The following FARS2 variants were observed in gnomAD, a reference collection of about 807,000 sequenced individuals.
The protein encoded by FARS2 is phenylalanine--tRNA ligase, mitochondrial.
FARS2 carries 40 observed loss-of-function variants against 46.4 expected under a neutral mutation model. The observed-to-expected ratio is 0.86, with a 90% CI of 0.67 to 1.12. FARS2 has a LOEUF of 1.12. Ranked by LOEUF, FARS2 falls within the 50% of genes most tolerant of loss-of-function variation. The pLI is 0.00. For missense variants in FARS2, 513 were observed against 567.9 expected, an observed-to-expected ratio of 0.90 and a Z score of 0.98; for synonymous variants, 234 against 214.9, an observed-to-expected ratio of 1.09 and a Z score of -0.78.
At chr6:5,475,714 G>A (rs1766082793) in intron 4 of FARS2, among the ~76,000 whole-genome samples, 1 of 152,106 alleles carries the variant, frequency 6.6e-6, no homozygotes, top group Admixed American at 6.5e-5. Flanking sequence ...ACTGGTCTCT[G>A]TAGCTGAAAT....
At chr6:5,433,990 T>C (rs1009215073) in intron 4 of FARS2, among the ~76,000 whole-genome samples, 4 of 152,234 alleles carry the variant, frequency 2.6e-5, no homozygotes, top group Non-Finnish European at 2.9e-5. Flanking sequence ...ACGTTAGATA[T>C]TCTTGAATGG....
In FARS2 at chr6:5,432,692, G is replaced by A. The variant is rs552023728; in HGVS notation, c.904+1520G>A. 2.9e-4 allele frequency among the ~76,000 whole-genome samples: 44 copies of A among 151,376 alleles called. 1 individual carries two copies. Among genetic ancestry groups the A allele is most frequent in the Admixed American group, 2.7e-3 (40 of 15,094 alleles). On this transcript the variant is annotated intron_variant, in intron 4 of 6. Transcript: ENST00000274680. ...CTGCTCCCTTAGAAGGACATTTGCT[G>A]CTTGGCCTTGGAGGGCAGCTCTGAG...
intron 6 of FARS2, among the ~76,000 whole-genome samples, chr6:5,760,056 CAATT>C (rs1762403879): frequency 6.6e-6 from 1 of 152,162 alleles, no homozygotes; most frequent in Non-Finnish European, 1.5e-5. Flanking sequence ...AGAGATGGTG[CAATT>C]AATTAGACCC....
At chr6:5,743,365 T>C (rs756138009) in intron 6 of FARS2, among the ~76,000 whole-genome samples, 2 of 152,196 alleles carry the variant, frequency 1.3e-5, no homozygotes, top group Non-Finnish European at 2.9e-5. Context: ...TTGGGGGTGC[T>C]GGCCACAAGC....
intron 6 of FARS2, among the ~76,000 whole-genome samples, chr6:5,735,738 T>C (rs560375650): frequency 2.6e-5 from 4 of 152,322 alleles, no homozygotes; most frequent in African/African-American, 7.2e-5. Context: ...ATAGCGGTAA[T>C]GTTCTAACCC....
At chr6:5,557,575 C>T (rs1266955428) in intron 5 of FARS2, among the ~76,000 whole-genome samples, 1 of 152,112 alleles carries the variant, frequency 6.6e-6, no homozygotes, top group Non-Finnish European at 1.5e-5. Flanking sequence ...CATTATTTCA[C>T]AACGAACAAT....
Position 5,765,772 on chromosome 6 carries a change from A to T in FARS2, c.1218-5519A>T, listed in dbSNP as rs1393495745. Among the ~76,000 whole-genome samples the T allele has an allele frequency of 6.6e-6, 1 of 152,186 alleles. No individual in the cohort carries two copies. The highest frequency in any genetic ancestry group is 1.5e-5 in the Non-Finnish European group (1 of 68,026). On this transcript the variant is annotated intron_variant, in intron 6 of 6. Transcript: ENST00000274680. This position sits in a 1 kb window ranked among gnomAD's most constrained non-coding sequence, Gnocchi z 4.0. ...GGCTCCTGGGTTTCTGCAGGACCTC[A>T]GCAGGCTGCTAACTCCCGGATGTGA...
At position 5,764,479 on chromosome 6, in the gene FARS2, GCTT is replaced by G. The variant is rs1177083226; in HGVS notation, c.1218-6809_1218-6807del. ...TCTGACGTGGGCAGCTCCAGACTGA[GCTT>G]CTGCATCAGACAAGCAGGAGACAGA... On this transcript the variant is annotated intron_variant, in intron 6 of 6. Transcript: ENST00000274680. This position sits in a 1 kb window ranked among gnomAD's most constrained non-coding sequence, Gnocchi z 4.1. Among the ~76,000 whole-genome samples, 1 of 152,142 alleles carries G rather than the reference GCTT, an allele frequency of 6.6e-6. No homozygotes were observed. The highest frequency in any genetic ancestry group is 1.5e-5 in the Non-Finnish European group (1 of 68,034).
At chr6:5,305,606 A>G (rs754439887) in intron 1 of FARS2, among the ~76,000 whole-genome samples, 1 of 152,254 alleles carries the variant, frequency 6.6e-6, no homozygotes, top group Non-Finnish European at 1.5e-5. Context: ...GAATCAATTC[A>G]GACAAAGAAG....
rs1772733550 is a variant in FARS2 at position 5,572,830 on chromosome 6, C to T, written c.1065+27490C>T. On this transcript the variant is annotated intron_variant, in intron 5 of 6. Transcript: ENST00000274680. ...TCTTCTGTGCCTTAAAGTTTGGGCA[C>T]TTCTGACCAACGCTATAGTAATAAC... is the stretch of plus-strand genomic sequence containing the variant. Among the ~76,000 whole-genome samples the T allele has an allele frequency of 1.3e-5, 2 of 152,110 alleles. 1 individual carries two copies. The highest frequency in any genetic ancestry group is 4.1e-4 in the South Asian group (2 of 4,820).
chr6:5,729,227 G>A (rs2150933664), intron 6 of FARS2, among the ~76,000 whole-genome samples: 1 of 152,346 alleles, frequency 6.6e-6, no homozygotes, highest in East Asian at 1.9e-4. Flanking sequence ...TTGAGTGTGT[G>A]TTGACTCACC....
At chr6:5,732,812 C>CAAA (rs111399257) in intron 6 of FARS2, among the ~76,000 whole-genome samples, 142 of 144,810 alleles carry the variant, frequency 9.8e-4, no homozygotes, top group African/African-American at 2.1e-3. Context: ...TCATATCCTT[C>CAAA]AAAAAAAAAA....
At chr6:5,409,840 C>A (rs1269673331) in intron 3 of FARS2, among the ~76,000 whole-genome samples, 1 of 152,188 alleles carries the variant, frequency 6.6e-6, no homozygotes, top group Non-Finnish European at 1.5e-5. Flanking sequence ...CCTTGCCATG[C>A]CCTGGTGTGT....
At chr6:5,381,402 CACAT>C (rs766205187) in intron 2 of FARS2, among the ~76,000 whole-genome samples, 6,458 of 124,760 alleles carry the variant, frequency 0.052, 228 homozygotes, top group African/African-American at 0.14. Flanking sequence ...CACACACACA[CACAT>C]ACACACACAC....
intron 6 of FARS2, among the ~76,000 whole-genome samples, chr6:5,623,105 G>T (rs1775856773): frequency 1.3e-5 from 2 of 152,168 alleles, no homozygotes; most frequent in African/African-American, 2.4e-5. Flanking sequence ...CTACCACCAG[G>T]AGTAATGTCA....
At chr6:5,314,653 C>G (rs1019727982) in intron 1 of FARS2, among the ~76,000 whole-genome samples, 1 of 152,126 alleles carries the variant, frequency 6.6e-6, no homozygotes, top group East Asian at 1.9e-4. Context: ...TCTTATAGCT[C>G]ATTTGCATGA....
At chr6:5,633,457 G>A (rs796296995) in intron 6 of FARS2, among the ~76,000 whole-genome samples, 17 of 151,796 alleles carry the variant, frequency 1.1e-4, no homozygotes, top group African/African-American at 3.9e-4. Flanking sequence ...TGTATTTTTA[G>A]TAGAGATGGG....
intron 6 of FARS2, among the ~76,000 whole-genome samples, chr6:5,628,245 A>G (rs1350703435): frequency 6.6e-6 from 1 of 152,200 alleles, no homozygotes; most frequent in Non-Finnish European, 1.5e-5. Context: ...TTTGTTTGCC[A>G]CAGATGAGGA....
At chr6:5,275,814 G>A (rs1227959321) in intron 1 of FARS2, among the ~76,000 whole-genome samples, 1 of 152,166 alleles carries the variant, frequency 6.6e-6, no homozygotes, top group Non-Finnish European at 1.5e-5. Flanking sequence ...TAGTATCTGA[G>A]TAAACATCCT....
Sources: allele counts gnomAD v4.1 joint callset (sites outside exome capture counted in the v4.1 genomes callset), GRCh38; gene constraint gnomAD v4.1.1; non-coding constraint Gnocchi (gnomAD v3.1); transcripts MANE v1.5; gene names NCBI Gene and HGNC (gene_info 2026-07-23, HGNC 2026-07-21).